SLC23A2: variants seen among roughly 807,000 people sequenced by gnomAD.
The protein encoded by SLC23A2 is Na(+)/L-ascorbic acid transporter 2.
A neutral mutation model predicts 73.3 loss-of-function variants in SLC23A2; 36 were observed. The ratio of observed to expected loss-of-function variants is 0.49; its 90% CI spans 0.38 to 0.65. The LOEUF (loss-of-function observed/expected upper bound fraction) is 0.65. Ranked by LOEUF, SLC23A2 falls within the 30% of genes least tolerant of loss-of-function variation. The probability of loss-of-function intolerance (pLI) is 0.00; values close to 1 mark genes in which losing one functional copy is unlikely to be tolerated. For synonymous variants in SLC23A2, 343 were observed against 327.3 expected (o/e 1.05, Z -0.52); for missense variants, 507 against 841.6 (o/e 0.60, Z 4.92).
At chr20:4,990,289 G>A (rs2087904334) in intron 1 of SLC23A2, among the ~76,000 whole-genome samples, 1 of 152,152 alleles carries the variant, frequency 6.6e-6, no homozygotes, top group South Asian at 2.1e-4. Flanking sequence ...GGAGACCAAG[G>A]CAGAGGATTA....
rs753736492 is a variant in SLC23A2 at position 4,902,520 on chromosome 20, C to T, written c.246G>A (p.Leu82=). 1.2e-6 allele frequency: 2 copies of T among 1,612,460 alleles called. No homozygotes were observed. Among genetic ancestry groups the T allele is most frequent in the African/African-American group, 2.7e-5 (2 of 74,792 alleles). Residue 82 remains leucine, a synonymous_variant, in exon 5 of 17, where the codon CTG becomes CTA. Coordinates refer to ENST00000338244, the MANE Select transcript of SLC23A2 (RefSeq NM_005116.6). The surrounding 1 kb of genome is among the most constrained non-coding windows in gnomAD (Gnocchi z 4.0). The part of the protein sequence containing the change: ...LAETLDSTGS[L]DPQRSDMIYT... ...AAATCATGTCTGATCGCTGGGGGTC[C>T]AGACTGCCAGTGCTATCCAGGGTCT...
At chr20:4,991,658 G>T (rs1381038453) in intron 1 of SLC23A2, among the ~76,000 whole-genome samples, 1 of 151,080 alleles carries the variant, frequency 6.6e-6, no homozygotes, top group Non-Finnish European at 1.5e-5. Context: ...GGAGGCGGAG[G>T]TTGCAGTGAG....
At chr20:4,970,365 G>A (rs569364326) in intron 2 of SLC23A2, among the ~76,000 whole-genome samples, 4 of 152,210 alleles carry the variant, frequency 2.6e-5, no homozygotes, top group East Asian at 1.9e-4. Context: ...TTCTCAACAC[G>A]TAAAAAACGT....
At chr20:4,960,774 GT>G (rs1472111648) in intron 2 of SLC23A2, among the ~76,000 whole-genome samples, 1 of 152,186 alleles carries the variant, frequency 6.6e-6, no homozygotes, top group Non-Finnish European at 1.5e-5. Flanking sequence ...GACAAACCAG[GT>G]ATCTGAAATG....
Position 4,932,648 on chromosome 20 carries a change from G to T in SLC23A2, c.-86C>A. The T allele has an allele frequency of 1.3e-6, 1 of 787,208 alleles. No homozygotes were observed. Among genetic ancestry groups the T allele is most frequent in the Middle Eastern group, 2.6e-4 (1 of 3,846 alleles). The allele number at this position is 787,208 out of a possible 1,614,324, so 48.8% of individuals were successfully genotyped here. The stretch of plus-strand genomic sequence containing the variant: ...CAAGCTAGGAGCCCAGGATCAGCCG[G>T]CTCTTCTAGTGCCTGGAGCCCCCGA... On this transcript the variant is annotated 5_prime_UTR_variant, in exon 3 of 17. Coordinates refer to ENST00000338244, the MANE Select transcript of SLC23A2 (RefSeq NM_005116.6).
intron 13 of SLC23A2, among the ~76,000 whole-genome samples, chr20:4,866,403 C>T (rs1930201824): frequency 6.6e-6 from 1 of 152,226 alleles, no homozygotes; most frequent in African/African-American, 2.4e-5. Flanking sequence ...CTCATGGCAG[C>T]AAACTGGCTG....
In SLC23A2 at chr20:4,929,722, T is replaced by C. The variant is rs572446932; in HGVS notation, c.108+2733A>G. Among the ~76,000 whole-genome samples, 4 of 152,048 alleles carry C rather than the reference T, an allele frequency of 2.6e-5. No homozygotes were observed. In the South Asian group the frequency reaches 8.3e-4, roughly 32 times the overall value. On this transcript the variant is annotated intron_variant, in intron 3 of 16. Coordinates refer to ENST00000338244, the MANE Select transcript of SLC23A2 (RefSeq NM_005116.6). ...ATAAAAATTTTAGAAGAAGTATAAT[T>C]ATTGCAATAAGAATTCAACACAAAT...
intron 2 of SLC23A2, among the ~76,000 whole-genome samples, chr20:4,965,515 T>C (rs929178761): frequency 2.6e-5 from 4 of 152,156 alleles, no homozygotes. Flanking sequence ...CTCACATTTG[T>C]AATCCCAGTA....
At chr20:4,912,794 GA>G in intron 4 of SLC23A2, 85 bp downstream of exon 4, 1 of 862,654 alleles carries the variant, frequency 1.2e-6, no homozygotes. Flanking sequence ...GCAAGTGTCT[GA>G]AAGGGATCCG....
intron 1 of SLC23A2, among the ~76,000 whole-genome samples, 184 bp from the exon 2 acceptor site, chr20:4,971,103 T>A (rs960897442): frequency 6.6e-5 from 10 of 152,162 alleles, no homozygotes; most frequent in African/African-American, 2.4e-4. Flanking sequence ...AACTGCACCC[T>A]CAATTCTTTA....
intron 9 of SLC23A2, among the ~76,000 whole-genome samples, chr20:4,875,003 C>T (rs571939836): frequency 8.5e-5 from 13 of 152,322 alleles, no homozygotes; most frequent in African/African-American, 3.1e-4. Flanking sequence ...AGAATGTACA[C>T]ATTGATGGGA....
chr20:4,891,917 A>AT (rs201445010), intron 6 of SLC23A2, among the ~76,000 whole-genome samples: 2,970 of 150,386 alleles, frequency 0.02, 88 homozygotes, highest in African/African-American at 0.067. Flanking sequence ...CACCTGGCTA[A>AT]TTTTTTTTTA....
Position 4,947,446 on chromosome 20 carries a change from T to C in SLC23A2, c.-154-14730A>G, listed in dbSNP as rs1366111193. The stretch of plus-strand genomic sequence containing the variant: ...CACTTTTTGCACACATGGTGCTTTT[T>C]ATTTCAACACTATTTAAAATGTATT... On this transcript the variant is annotated intron_variant, in intron 2 of 16. Coordinates refer to ENST00000338244, the MANE Select transcript of SLC23A2 (RefSeq NM_005116.6). This position sits in a 1 kb window ranked among gnomAD's most constrained non-coding sequence, Gnocchi z 4.4. 1.3e-5 allele frequency among the ~76,000 whole-genome samples: 2 copies of C among 152,258 alleles called. No homozygotes were observed. The highest frequency in any genetic ancestry group is 2.4e-5 in the African/African-American group (1 of 41,474).
intron 6 of SLC23A2, among the ~76,000 whole-genome samples, chr20:4,889,031 A>G (rs73893856): frequency 0.03 from 4,511 of 152,256 alleles, 224 homozygotes; most frequent in African/African-American, 0.1. Context: ...TGATTCTTGG[A>G]TATCTGCTTG....
In SLC23A2 at chr20:4,942,091, C is replaced by CA. The variant is rs1231298293; in HGVS notation, c.-154-9376dup. Among the ~76,000 whole-genome samples the CA allele has an allele frequency of 3.3e-5, 5 of 152,272 alleles. No individual in the cohort carries two copies. In the East Asian group the frequency reaches 9.6e-4, roughly 29 times the overall value. ...TTAGCACCAGTTCTTCCTTACTCCTCAGACTCAAGTCCAGGGGAAAGGCTG... is the reference window on the plus strand; with the variant it reads ...TTAGCACCAGTTCTTCCTTACTCCTCAAGACTCAAGTCCAGGGGAAAGGCTG... On this transcript the variant is annotated intron_variant, in intron 2 of 16. Transcript: ENST00000338244.
intron 6 of SLC23A2, among the ~76,000 whole-genome samples, chr20:4,887,288 G>A (rs1235134419): frequency 6.6e-6 from 1 of 152,206 alleles, no homozygotes; most frequent in African/African-American, 2.4e-5. Context: ...TGACTTCTAG[G>A]TATTCCATAA....
intron 2 of SLC23A2, among the ~76,000 whole-genome samples, chr20:4,945,736 A>T (rs1054502518): frequency 2.6e-5 from 4 of 152,226 alleles, no homozygotes; most frequent in African/African-American, 9.6e-5. Flanking sequence ...GAGAGTGTCA[A>T]GGTAAAATGC....
At chr20:4,976,955 G>A (rs969102624) in intron 1 of SLC23A2, among the ~76,000 whole-genome samples, 26 of 151,962 alleles carry the variant, frequency 1.7e-4, no homozygotes, top group African/African-American at 5.8e-4. Flanking sequence ...CAGCCTGGGT[G>A]GCTGAGAGAA....
At chr20:4,956,009 T>C (rs1436454778) in intron 2 of SLC23A2, among the ~76,000 whole-genome samples, 1 of 152,126 alleles carries the variant, frequency 6.6e-6, no homozygotes, top group African/African-American at 2.4e-5. Context: ...TCTTAGTATG[T>C]ATGTATGGTT....
Sources: gnomAD v4.1 joint callset for allele counts (sites outside exome capture counted in the v4.1 genomes callset) on GRCh38, gnomAD v4.1.1 for gene constraint, Gnocchi (gnomAD v3.1) non-coding constraint, MANE v1.5 for transcripts, NCBI Gene and HGNC (gene_info 2026-07-23, HGNC 2026-07-21) for gene names.